The following TRIM38 variants were observed in gnomAD, a reference collection of about 807,000 sequenced individuals.
TRIM38 encodes the protein E3 ubiquitin-protein ligase TRIM38.
In TRIM38, 35 loss-of-function variants were observed where a neutral mutation model predicts 35.8. The ratio of observed to expected loss-of-function variants is 0.98; its 90% CI spans 0.75 to 1.30. TRIM38 has a LOEUF of 1.30. Ranked by LOEUF, TRIM38 falls within the 50% of genes most tolerant of loss-of-function variation. TRIM38 has a pLI of 0.00. For synonymous variants in TRIM38, 198 were observed against 204.7 expected (o/e 0.97, Z 0.28); for missense variants, 545 against 556.9 (o/e 0.98, Z 0.21).
rs1212515566 is a variant in TRIM38, at chr6:25,983,932, C to T, written c.*245C>T. 2.4e-6 allele frequency: 1 copy of T among 413,058 alleles called. No individual in the cohort carries two copies. Among genetic ancestry groups the T allele is most frequent in the Admixed American group, 4.2e-5 (1 of 23,918 alleles). The allele number at this position is 413,058 out of a possible 1,614,324, so 25.6% of individuals were successfully genotyped here. A position where few individuals can be genotyped will look rare whatever the true frequency, so the allele number is the denominator to read the frequency against. ...AGTGATGATCGTATGTTGCTGTCTC[C>T]ATCCGTCTTTAATGGGTCAGGGCTT... On this transcript the variant is annotated 3_prime_UTR_variant, in exon 8 of 8. Coordinates refer to ENST00000357085, the MANE Select transcript of TRIM38 (RefSeq NM_006355.5).
At chr6:25,967,721 G>C (rs1052309644) in intron 3 of TRIM38, among the ~76,000 whole-genome samples, 4 of 151,526 alleles carry the variant, frequency 2.6e-5, no homozygotes, top group South Asian at 2.1e-4. Context: ...ATTTTTTGTA[G>C]AGACATGGTC....
chr6:25,965,718 G>A (rs1274176195), intron 2 of TRIM38, among the ~76,000 whole-genome samples: 3 of 41,836 alleles, frequency 7.2e-5, no homozygotes, highest in Admixed American at 6.4e-4. Context: ...AAGGTCAAGA[G>A]ATCGAGCCAA....
At chr6:25,975,031 C>G (rs1482115370) in intron 7 of TRIM38, 1 of 896,872 alleles carries the variant, frequency 1.1e-6, no homozygotes, top group Non-Finnish European at 1.3e-6. Context: ...TTCTTTCTTT[C>G]TTTCTTTTTT....
At chr6:25,970,063 A>G (rs1760181920) in intron 4 of TRIM38, among the ~76,000 whole-genome samples, 1 of 151,998 alleles carries the variant, frequency 6.6e-6, no homozygotes, top group Non-Finnish European at 1.5e-5. Flanking sequence ...GATTACAGGC[A>G]TGTGCTACCA....
chr6:25,972,924 A>G (rs1760282157), intron 5 of TRIM38, 130 bp from the exon 6 acceptor site: 3 of 1,151,592 alleles, frequency 2.6e-6, no homozygotes, highest in Non-Finnish European at 1.2e-6. Context: ...GTATCCATCA[A>G]TATCTAAGAC....
At chr6:25,970,942 G>A (rs1760210259) in intron 4 of TRIM38, among the ~76,000 whole-genome samples, 1 of 151,970 alleles carries the variant, frequency 6.6e-6, no homozygotes. Context: ...TTACACATAG[G>A]AATGCTTAAG....
Position 25,973,208 on chromosome 6 carries a change from T to C in TRIM38, c.797T>C (p.Val266Ala). 6.2e-7 allele frequency: 1 copy of C among 1,614,206 alleles called. No individual in the cohort carries two copies. The highest frequency in any genetic ancestry group is 8.5e-7 in the Non-Finnish European group (1 of 1,180,030). Residue 266 changes from valine to alanine, a missense_variant, in exon 7 of 8, where the codon GTC (valine) becomes GCC (alanine). By Grantham distance (64) the Val-to-Ala change is moderately conservative. Transcript: ENST00000357085. ...GTGAAGCTGGAAACATCAGAGGCTG[T>C]CTCCTTGGAACTTCATACTATGTGC... Reference protein sequence around the residue: ...WAVKLETSEAVSLELHTMCNV... With the variant: ...WAVKLETSEAASLELHTMCNV...
intron 7 of TRIM38, chr6:25,975,642 G>A (rs1240931242): frequency 1.0e-6 from 1 of 982,502 alleles, no homozygotes; most frequent in African/African-American, 1.8e-5. Context: ...AAAGTTCAAG[G>A]TTTTTCCCAC....
At position 25,969,409 on chromosome 6, in the gene TRIM38, A is replaced by G. The variant is rs751903226; in HGVS notation, c.496A>G (p.Thr166Ala). The G allele has an allele frequency of 1.9e-6, 3 of 1,607,838 alleles. No homozygotes were observed. Among genetic ancestry groups the G allele is most frequent in the Non-Finnish European group, 2.5e-6 (3 of 1,176,898 alleles). ...EQKLSTAMRI[T>A]KWKEKVQIQR... Reference sequence around the variant, plus strand: ...GAAGCTGTCCACAGCAATGCGAATAACTAAATGGAAAGTAAGAATCTGACT... The same window carrying G: ...GAAGCTGTCCACAGCAATGCGAATAGCTAAATGGAAAGTAAGAATCTGACT... Residue 166 changes from threonine to alanine, a missense_variant, in exon 4 of 8, where the codon ACT becomes GCT. Physicochemically the swap from Thr to Ala is moderately conservative, Grantham distance 58. Transcript: ENST00000357085.
chr6:25,973,215 G>C lies in TRIM38; in HGVS notation c.804G>C (p.Leu268Phe). ...VKLETSEAVS[L>F]ELHTMCNVSK... is the part of the protein sequence containing the mutation. Reference sequence around the variant, plus strand: ...TGGAAACATCAGAGGCTGTCTCCTTGGAACTTCATACTATGTGCAATGTTT... The same window carrying C: ...TGGAAACATCAGAGGCTGTCTCCTTCGAACTTCATACTATGTGCAATGTTT... Residue 268 changes from leucine to phenylalanine, a missense_variant, in exon 7 of 8, where the codon TTG (leucine) becomes TTC (phenylalanine). By Grantham distance (22) the Leu-to-Phe change is conservative (BLOSUM62 0). Coordinates refer to ENST00000357085, the MANE Select transcript of TRIM38 (RefSeq NM_006355.5). 4 of 1,614,154 alleles carry C rather than the reference G, an allele frequency of 2.5e-6. No homozygotes were observed. Among genetic ancestry groups the C allele is most frequent in the Non-Finnish European group, 3.4e-6 (4 of 1,180,034 alleles).
intron 6 of TRIM38, 47 bp from the exon 7 acceptor site, chr6:25,973,126 G>A (rs539941181): frequency 1.9e-6 from 3 of 1,614,018 alleles, no homozygotes; most frequent in Non-Finnish European, 2.5e-6. Context: ...ATATAGAAAT[G>A]AATGGAATGC....
At position 25,983,122 on chromosome 6, in the gene TRIM38, C is replaced by T. The variant is rs367763063; in HGVS notation, c.875-42C>T. 2.8e-4 allele frequency: 425 copies of T among 1,522,926 alleles called. 1 individual carries two copies. Among genetic ancestry groups the T allele is most frequent in the Non-Finnish European group, 2.5e-4 (288 of 1,135,338 alleles). The allele number at this position is 1,522,926 out of a possible 1,614,324, so 94.3% of individuals were successfully genotyped here. ...AAAATAAAATAACCTGTGTTCTTCA[C>T]AGCAACAAAATTATTTTTGTTTGTT... On this transcript the variant is annotated intron_variant, in intron 7 of 7. Coordinates refer to ENST00000357085, the MANE Select transcript of TRIM38 (RefSeq NM_006355.5).
intron 2 of TRIM38, among the ~76,000 whole-genome samples, chr6:25,965,852 C>A (rs576326841): frequency 6.6e-6 from 1 of 150,636 alleles, no homozygotes; most frequent in African/African-American, 2.4e-5. Flanking sequence ...ACCCGGGAGG[C>A]GGAGGTGCAG....
intron 7 of TRIM38, among the ~76,000 whole-genome samples, chr6:25,978,502 T>G (rs1760459302): frequency 6.6e-6 from 1 of 152,078 alleles, no homozygotes; most frequent in Non-Finnish European, 1.5e-5. Flanking sequence ...ATATATTGAT[T>G]ACTGTGTGTA....
At chr6:25,978,721 C>T (rs1760466449) in intron 7 of TRIM38, among the ~76,000 whole-genome samples, 1 of 152,024 alleles carries the variant, frequency 6.6e-6, no homozygotes, top group Non-Finnish European at 1.5e-5. Context: ...GGCTGGAGTG[C>T]ACTGGCGCAA....
intron 7 of TRIM38, among the ~76,000 whole-genome samples, chr6:25,979,388 G>C (rs1055298264): frequency 6.6e-6 from 1 of 151,984 alleles, no homozygotes; most frequent in South Asian, 2.1e-4. Context: ...TTAAAGTAGT[G>C]ATTTCATTTC....
At chr6:25,977,679 AAG>A (rs1007989696) in intron 7 of TRIM38, among the ~76,000 whole-genome samples, 4 of 151,194 alleles carry the variant, frequency 2.6e-5, no homozygotes, top group Admixed American at 2.6e-4. Flanking sequence ...AAAAAAAAAG[AAG>A]AGAGATGAAG....
chr6:25,966,511 T>G lies in TRIM38; in HGVS notation c.-12T>G, dbSNP rs878894669. ...TCTCTAGAGCCAATATTGGAGCTTTTCAATAAAAGCTATGGCCTCAACCAC... is the reference window on the plus strand; with the variant it reads ...TCTCTAGAGCCAATATTGGAGCTTTGCAATAAAAGCTATGGCCTCAACCAC... On this transcript the variant is annotated 5_prime_UTR_variant, in exon 3 of 8. Coordinates refer to ENST00000357085, the MANE Select transcript of TRIM38 (RefSeq NM_006355.5). 6.3e-7 allele frequency: 1 copy of G among 1,578,988 alleles called. No individual in the cohort carries two copies. The highest frequency in any genetic ancestry group is 1.2e-5 in the South Asian group (1 of 86,510).
At chr6:25,967,386 G>T (rs1760089434) in intron 3 of TRIM38, among the ~76,000 whole-genome samples, 1 of 152,086 alleles carries the variant, frequency 6.6e-6, no homozygotes, top group Non-Finnish European at 1.5e-5. Flanking sequence ...TGGTGGTGGG[G>T]AGGGACATTT....
Sources: allele counts gnomAD v4.1 joint callset (sites outside exome capture counted in the v4.1 genomes callset), GRCh38; gene constraint gnomAD v4.1.1; transcripts MANE v1.5; gene names NCBI Gene and HGNC (gene_info 2026-07-23, HGNC 2026-07-21).